Variants in NRCAM observed in about 807,000 individuals in gnomAD.
NRCAM encodes the protein NgCAM-related cell adhesion molecule.
NRCAM carries 83 observed loss-of-function variants against 156.5 expected under a neutral mutation model. That is an observed-to-expected ratio of 0.53 (90% CI 0.44 to 0.64). NRCAM has a LOEUF of 0.64. NRCAM is among the 30% of genes least tolerant of loss of function. NRCAM has a pLI of 0.00. For missense variants in NRCAM, 1,417 were observed against 1,597.3 expected, an observed-to-expected ratio of 0.89 and a Z score of 1.92; for synonymous variants, 538 against 563.9, an observed-to-expected ratio of 0.95 and a Z score of 0.65.
rs1438079475 is a variant in NRCAM, at chr7:108,232,316, T to G, written c.427+10A>C. 1.3e-6 allele frequency: 2 copies of G among 1,587,564 alleles called. No individual in the cohort carries two copies. The highest frequency in any genetic ancestry group is 1.8e-5 in the Admixed American group (1 of 56,166). ...AAAAGGGTCATGTTGGTTGACAAGT[T>G]TCCACTTACTGGATGGGCGGACAAC... On this transcript the variant is annotated intron_variant, in intron 7 of 32. Coordinates refer to ENST00000379028, the MANE Select transcript of NRCAM (RefSeq NM_001037132.4).
At chr7:108,311,146 T>C (rs368292536) in intron 3 of NRCAM, among the ~76,000 whole-genome samples, 1 of 152,302 alleles carries the variant, frequency 6.6e-6, no homozygotes, top group East Asian at 1.9e-4. Context: ...TTTTTACAAA[T>C]AAACTCCCGC....
chr7:108,422,826 G>A (rs532435354), intron 1 of NRCAM, among the ~76,000 whole-genome samples: 68 of 152,222 alleles, frequency 4.5e-4, no homozygotes, highest in Non-Finnish European at 7.2e-4. Context: ...GTCCAATGAG[G>A]AGCAATTCAG....
chr7:108,339,427 C>T (rs913941584), intron 2 of NRCAM, among the ~76,000 whole-genome samples: 1 of 152,226 alleles, frequency 6.6e-6, no homozygotes, highest in African/African-American at 2.4e-5. Context: ...AGGTTACCTA[C>T]ACCCTCTGTG....
At chr7:108,453,999 C>A (rs1419748129) in intron 1 of NRCAM, among the ~76,000 whole-genome samples, 1 of 152,000 alleles carries the variant, frequency 6.6e-6, no homozygotes, top group Admixed American at 6.6e-5. Flanking sequence ...GGGACCTTTT[C>A]TTTAAAGAAA....
chr7:108,352,800 A>T (rs1267381558), intron 2 of NRCAM, among the ~76,000 whole-genome samples: 1 of 152,146 alleles, frequency 6.6e-6, no homozygotes, highest in Non-Finnish European at 1.5e-5. Context: ...TAAAGCTAAG[A>T]GTCCTGAATT....
At chr7:108,316,424 C>T (rs2098922196) in intron 2 of NRCAM, among the ~76,000 whole-genome samples, 2 of 152,180 alleles carry the variant, frequency 1.3e-5, no homozygotes, top group South Asian at 4.1e-4. Context: ...TTGCACAAAA[C>T]AGACTGAGAC....
At chr7:108,151,036 AGT>A (rs1430284145) in intron 32 of NRCAM, among the ~76,000 whole-genome samples, 1 of 152,124 alleles carries the variant, frequency 6.6e-6, no homozygotes, top group Non-Finnish European at 1.5e-5. Context: ...GAATCTGAGG[AGT>A]GTACTTTAAT....
At chr7:108,168,872 A>G (rs2151928982) in intron 28 of NRCAM, among the ~76,000 whole-genome samples, 1 of 152,310 alleles carries the variant, frequency 6.6e-6, no homozygotes, top group South Asian at 2.1e-4. Context: ...TGTTGGTGTG[A>G]CAGAGAATGC....
At chr7:108,252,828 G>C (rs375493972) in intron 3 of NRCAM, among the ~76,000 whole-genome samples, 2 of 152,238 alleles carry the variant, frequency 1.3e-5, no homozygotes, top group African/African-American at 4.8e-5. Flanking sequence ...GGATGGAGAC[G>C]AGCTGTTCTC....
intron 1 of NRCAM, among the ~76,000 whole-genome samples, chr7:108,415,883 A>G (rs1223704485): frequency 6.6e-6 from 1 of 152,232 alleles, no homozygotes; most frequent in Admixed American, 6.5e-5. Flanking sequence ...ACTCCCTCTC[A>G]AAAAACAAAC....
chr7:108,184,120 A>G, intron 22 of NRCAM, 121 bp downstream of exon 22: 1 of 535,804 alleles, frequency 1.9e-6, no homozygotes, highest in Admixed American at 3.4e-5. Context: ...CTTTATATAT[A>G]TATATATATT....
intron 3 of NRCAM, among the ~76,000 whole-genome samples, chr7:108,296,181 T>C (rs1001139666): frequency 3.3e-5 from 5 of 152,194 alleles, no homozygotes; most frequent in Admixed American, 1.3e-4. Context: ...CAAGCAATGG[T>C]ATCCTTTTAT....
chr7:108,384,710 G>A (rs901277971), intron 2 of NRCAM, among the ~76,000 whole-genome samples: 2 of 152,326 alleles, frequency 1.3e-5, no homozygotes, highest in African/African-American at 4.8e-5. Flanking sequence ...CAAGTCTAGG[G>A]TAGGACCCAC....
chr7:108,378,342 C>T (rs977297071), intron 2 of NRCAM, among the ~76,000 whole-genome samples: 2 of 151,664 alleles, frequency 1.3e-5, no homozygotes, highest in Non-Finnish European at 2.9e-5. Flanking sequence ...GACAAGTAAA[C>T]AAGTTAATAA....
chr7:108,274,281 CA>C (rs2097502021), intron 3 of NRCAM, among the ~76,000 whole-genome samples: 1 of 152,176 alleles, frequency 6.6e-6, no homozygotes, highest in Non-Finnish European at 1.5e-5. Flanking sequence ...TGAAGAAAGT[CA>C]GTGTTAGTTT....
chr7:108,444,730 G>A (rs961656502), intron 1 of NRCAM, among the ~76,000 whole-genome samples: 4 of 152,030 alleles, frequency 2.6e-5, no homozygotes, highest in African/African-American at 9.7e-5. Flanking sequence ...TATGGATTGG[G>A]GCCTAACCTA....
At chr7:108,242,287 TA>T (rs1034298453) in intron 3 of NRCAM, among the ~76,000 whole-genome samples, 2 of 148,818 alleles carry the variant, frequency 1.3e-5, no homozygotes, top group Non-Finnish European at 3.0e-5. Flanking sequence ...AAGAATGTGC[TA>T]AACATAAAGA....
intron 3 of NRCAM, among the ~76,000 whole-genome samples, chr7:108,254,094 T>C (rs776358994): frequency 6.6e-6 from 1 of 152,172 alleles, no homozygotes; most frequent in Non-Finnish European, 1.5e-5. Flanking sequence ...GTTAGGTAAA[T>C]TTCTTAGCTA....
chr7:108,181,759 T>C (rs1258322137), intron 24 of NRCAM, 63 bp downstream of exon 24: 10 of 1,111,780 alleles, frequency 9.0e-6, no homozygotes, highest in Non-Finnish European at 1.4e-5. Context: ...GTGGTATGCA[T>C]GACAAGTGGC....
Sources: gnomAD v4.1 joint callset for allele counts (sites outside exome capture counted in the v4.1 genomes callset) on GRCh38, gnomAD v4.1.1 for gene constraint, MANE v1.5 for transcripts, NCBI Gene and HGNC (gene_info 2026-07-23, HGNC 2026-07-21) for gene names.